ADGRG5: variants seen among roughly 807,000 people sequenced by gnomAD.
The protein encoded by ADGRG5 is G protein-coupled receptor 114.
In ADGRG5, 37 loss-of-function variants were observed where a neutral mutation model predicts 53.2. The ratio of observed to expected loss-of-function variants is 0.70; its 90% CI spans 0.53 to 0.91. ADGRG5 has a LOEUF of 0.91. ADGRG5 is among the 40% of genes least tolerant of loss of function. The pLI, the probability that ADGRG5 is intolerant of heterozygous loss-of-function variation, is 0.00. For synonymous variants in ADGRG5, 277 were observed against 290.4 expected (o/e 0.95, Z 0.47); for missense variants, 614 against 675.8 (o/e 0.91, Z 1.01).
At chr16:57,544,413 G>T (rs534739513) in intron 1 of ADGRG5, among the ~76,000 whole-genome samples, 18 of 152,284 alleles carry the variant, frequency 1.2e-4, no homozygotes, top group Middle Eastern at 3.4e-3. Flanking sequence ...GTTGCAAGCA[G>T]AAGTGAAGAC....
chr16:57,538,418 A>G (rs534362907), upstream of ADGRG5, among the ~76,000 whole-genome samples: 1 of 152,216 alleles, frequency 6.6e-6, no homozygotes, highest in East Asian at 1.9e-4. Context: ...CAGCGTGGGA[A>G]CATAGGGACA....
At chr16:57,561,945 G>A in intron 1 of ADGRG5, 111 bp from the exon 2 acceptor site, 1 of 540,124 alleles carries the variant, frequency 1.9e-6, no homozygotes. Context: ...TGAAATGCAG[G>A]AGTGGTGAGT....
intron 10 of ADGRG5, among the ~76,000 whole-genome samples, chr16:57,573,660 G>A (rs1327775284): frequency 2.0e-5 from 3 of 152,150 alleles, no homozygotes; most frequent in African/African-American, 7.2e-5. Flanking sequence ...AAAGTCATTT[G>A]GCATATGCCC....
chr16:57,562,113 T>C lies in ADGRG5; in HGVS notation c.20T>C (p.Leu7Pro). Residue 7 changes from leucine to proline, a missense_variant, in exon 2 of 12, where the codon CTT (leucine) becomes CCT (proline). Leu to Pro is a moderately conservative substitution (Grantham distance 98, BLOSUM62 -3). Coordinates refer to ENST00000349457, the MANE Select transcript of ADGRG5 (RefSeq NM_001304376.3). ...CAGGGCATGGATCACTGTGGTGCCC[T>C]TTTCCTGTGCCTGTGCCTTCTGACT... Reference protein sequence around the residue: MDHCGALFLCLCLLTLQ... With the variant: MDHCGAPFLCLCLLTLQ... 6.3e-7 allele frequency: 1 copy of C among 1,598,146 alleles called. No individual in the cohort carries two copies. The highest frequency in any genetic ancestry group is 8.6e-7 in the Non-Finnish European group (1 of 1,169,374).
intron 1 of ADGRG5, among the ~76,000 whole-genome samples, chr16:57,553,077 T>C (rs1387881347): frequency 6.6e-6 from 1 of 152,130 alleles, no homozygotes; most frequent in African/African-American, 2.4e-5. Context: ...AATAGTAACA[T>C]CAAAGATCTC....
At chr16:57,550,813 A>G (rs1442196963) in intron 1 of ADGRG5, among the ~76,000 whole-genome samples, 10 of 152,132 alleles carry the variant, frequency 6.6e-5, no homozygotes, top group African/African-American at 2.4e-4. Context: ...GCGGATCATG[A>G]GGTCAGGAGA....
upstream of ADGRG5, among the ~76,000 whole-genome samples, chr16:57,537,839 C>T (rs2032427074): frequency 6.6e-6 from 1 of 152,140 alleles, no homozygotes; most frequent in African/African-American, 2.4e-5. Flanking sequence ...ATGTTGAAAG[C>T]GTCTGTTCAC....
At chr16:57,548,787 C>CT (rs1250034959) in intron 1 of ADGRG5, among the ~76,000 whole-genome samples, 6 of 140,760 alleles carry the variant, frequency 4.3e-5, no homozygotes, top group African/African-American at 1.6e-4. Context: ...GTGTCAGTAG[C>CT]TTTTTTTTAG....
At chr16:57,537,513 A>T in the ADGRG5 span, among the ~76,000 whole-genome samples, 2 of 152,210 alleles carry the variant, frequency 1.3e-5, no homozygotes, top group Non-Finnish European at 2.9e-5. Flanking sequence ...TTAACACTGG[A>T]AGTCTTGCTT....
At position 57,575,828 on chromosome 16, in the gene ADGRG5, A is replaced by T. The variant is rs1480534555; in HGVS notation, c.*290A>T. 1.3e-5 allele frequency: 5 copies of T among 398,838 alleles called. No homozygotes were observed. The highest frequency in any genetic ancestry group is 2.4e-5 in the Non-Finnish European group (5 of 212,762). 24.7% of individuals were successfully genotyped at this position (398,838 alleles called of 1,614,324 possible). Reference sequence around the variant, plus strand: ...ATGTGGGCAGAGCACCAGCCTGGGCATCAGGAAGCCAAGTTTCAAGGACTG... The same window carrying T: ...ATGTGGGCAGAGCACCAGCCTGGGCTTCAGGAAGCCAAGTTTCAAGGACTG... On this transcript the variant is annotated 3_prime_UTR_variant, in exon 12 of 12. Coordinates refer to ENST00000349457, the MANE Select transcript of ADGRG5 (RefSeq NM_001304376.3).
intron 1 of ADGRG5, among the ~76,000 whole-genome samples, chr16:57,547,714 T>A (rs1327409459): frequency 6.6e-6 from 1 of 152,212 alleles, no homozygotes; most frequent in Non-Finnish European, 1.5e-5. Context: ...CCCAGAGTGC[T>A]GGGATTACAG....
chr16:57,539,400 G>A (rs2032456391), upstream of ADGRG5, among the ~76,000 whole-genome samples: 1 of 151,578 alleles, frequency 6.6e-6, no homozygotes, highest in African/African-American at 2.4e-5. Flanking sequence ...GACATGGGAT[G>A]TGGTGATGTT....
At position 57,562,462 on chromosome 16, in the gene ADGRG5, G is replaced by T; in HGVS notation, c.140+3G>T. ...CGGAGCTCAGTTTTTTCCTCTCGGT[G>T]AGTTGGATGTGCCTCCCACCCCAAG... On this transcript the variant is annotated splice_donor_region_variant and intron_variant, in intron 3 of 11. Transcript: ENST00000349457. The T allele has an allele frequency of 6.3e-7, 1 of 1,591,778 alleles. No homozygotes were observed. Among genetic ancestry groups the T allele is most frequent in the South Asian group, 1.1e-5 (1 of 87,480 alleles).
intron 7 of ADGRG5, 76 bp from the exon 8 acceptor site, chr16:57,567,394 G>A (rs1328062175): frequency 5.8e-6 from 9 of 1,545,026 alleles, no homozygotes; most frequent in Non-Finnish European, 7.9e-6. Context: ...GGAGGCCTCA[G>A]GAGGTCCCTC....
At chr16:57,559,235 T>TAGC (rs1338092816) in intron 1 of ADGRG5, among the ~76,000 whole-genome samples, 1 of 152,178 alleles carries the variant, frequency 6.6e-6, no homozygotes, top group Non-Finnish European at 1.5e-5. Flanking sequence ...ATTTGCTTTA[T>TAGC]AGCAGGTCAG....
intron 1 of ADGRG5, among the ~76,000 whole-genome samples, chr16:57,556,667 CA>C (rs1596781928): frequency 6.6e-6 from 1 of 152,164 alleles, no homozygotes; most frequent in East Asian, 1.9e-4. Context: ...GTGATCCCCA[CA>C]ATGCATTGTT....
In ADGRG5 at chr16:57,555,958, TTCTC is replaced by T. The variant is rs373224333; in HGVS notation, c.-38-6087_-38-6084del. 3.3e-3 allele frequency among the ~76,000 whole-genome samples: 507 copies of T among 151,458 alleles called. 4 individuals carry two copies. The highest frequency in any genetic ancestry group is 0.012 in the African/African-American group (480 of 41,362). On this transcript the variant is annotated intron_variant, in intron 1 of 11. Transcript: ENST00000349457. ...TTTAAAAGTGTGTAGCACTTCCCCC[TTCTC>T]TCTCTCTCTCCCCTGCTGCCATGTG...
At chr16:57,540,745 C>G (rs1372692309), upstream of ADGRG5, among the ~76,000 whole-genome samples, 1 of 152,062 alleles carries the variant, frequency 6.6e-6, no homozygotes, top group Non-Finnish European at 1.5e-5. Flanking sequence ...GGAAGTTGGA[C>G]GGGGTTAGAC....
At chr16:57,532,650 A>T in the ADGRG5 span, among the ~76,000 whole-genome samples, 2 of 152,242 alleles carry the variant, frequency 1.3e-5, no homozygotes, top group South Asian at 2.1e-4. Flanking sequence ...ACACTGACAC[A>T]CAGGTACAAG....
Sources: gnomAD v4.1 joint callset for allele counts (sites outside exome capture counted in the v4.1 genomes callset) on GRCh38, gnomAD v4.1.1 for gene constraint, MANE v1.5 for transcripts, NCBI Gene and HGNC (gene_info 2026-07-23, HGNC 2026-07-21) for gene names.